ULK4: variants seen among roughly 807,000 people sequenced by gnomAD.
ULK4 encodes inactive serine/threonine-protein kinase ULK4.
In ULK4, 133 loss-of-function variants were observed where a neutral mutation model predicts 160.6. The observed-to-expected ratio is 0.83, with a 90% confidence interval of 0.72 to 0.96. ULK4 has a LOEUF of 0.96. ULK4 is among the 40% of genes least tolerant of loss of function. ULK4 has a pLI of 0.00. For missense variants in ULK4, 1,580 were observed against 1,499.5 expected (o/e 1.05, Z -0.89); for synonymous variants, 534 against 539.8 (o/e 0.99, Z 0.15).
Position 41,745,953 on chromosome 3 carries a change from G to GA in ULK4, c.2321+8407dup, listed in dbSNP as rs574504371. Among the ~76,000 whole-genome samples, 1,418 of 145,984 alleles carry GA rather than the reference G, an allele frequency of 9.7e-3. 28 individuals are homozygous for GA. The highest frequency in any genetic ancestry group is 0.03 in the African/African-American group (1,190 of 39,742). ...AATCCAACACTCATTCATGATGAGA[G>GA]AAAAAAAAAACTCTAAGAAAATTGG... On this transcript the variant is annotated intron_variant, in intron 22 of 36. Coordinates refer to ENST00000301831, the MANE Select transcript of ULK4 (RefSeq NM_017886.4).
At chr3:41,306,453 G>C (rs1168575910) in intron 35 of ULK4, among the ~76,000 whole-genome samples, 12 of 127,352 alleles carry the variant, frequency 9.4e-5, no homozygotes, top group Non-Finnish European at 1.5e-4. Context: ...CCCGGCCAGT[G>C]GCCCCATCTG....
intron 35 of ULK4, among the ~76,000 whole-genome samples, chr3:41,379,847 T>G (rs1362989284): frequency 6.6e-6 from 1 of 152,166 alleles, no homozygotes; most frequent in Non-Finnish European, 1.5e-5. Flanking sequence ...GGATCATAGG[T>G]TTGCTATGCT....
At chr3:41,373,370 C>T (rs1013762488) in intron 35 of ULK4, among the ~76,000 whole-genome samples, 9 of 152,164 alleles carry the variant, frequency 5.9e-5, no homozygotes, top group African/African-American at 1.9e-4. Flanking sequence ...ATTCTAAAAT[C>T]GACCACATAA....
At chr3:41,866,103 C>T (rs1696858450) in intron 17 of ULK4, among the ~76,000 whole-genome samples, 1 of 152,152 alleles carries the variant, frequency 6.6e-6, no homozygotes, top group Non-Finnish European at 1.5e-5. Flanking sequence ...AGATAACAGT[C>T]AAAACTCAGT....
At chr3:41,519,027 G>A (rs2085841640) in intron 32 of ULK4, among the ~76,000 whole-genome samples, 1 of 152,162 alleles carries the variant, frequency 6.6e-6, no homozygotes, top group African/African-American at 2.4e-5. Context: ...GGGCTCTAGA[G>A]GCCATAAGCC....
At chr3:41,270,429 CCTT>C (rs60753428) in intron 35 of ULK4, among the ~76,000 whole-genome samples, 8,682 of 152,198 alleles carry the variant, frequency 0.057, 597 homozygotes, top group East Asian at 0.18. Flanking sequence ...GGGTCTGGGT[CCTT>C]AGAGTCACGA....
chr3:41,557,973 A>G (rs1243928292), intron 32 of ULK4, among the ~76,000 whole-genome samples: 2 of 152,108 alleles, frequency 1.3e-5, no homozygotes, highest in African/African-American at 4.8e-5. Flanking sequence ...GAAGCAAAAC[A>G]TGCTCTTAGA....
rs376418039 is a variant in ULK4 at position 41,912,811 on chromosome 3, G to C, written c.892C>G (p.Leu298Val). 1.1e-5 allele frequency: 17 copies of C among 1,613,926 alleles called. No homozygotes were observed. Among genetic ancestry groups the C allele is most frequent in the Non-Finnish European group, 8.5e-7 (1 of 1,179,952 alleles). ...ACAAAGGTAAGTGTATACTACCTGA[G>C]ACTGAGATCTTCGACGCTTGATTCC... is the stretch of plus-strand genomic sequence containing the variant. ...DQESSVEDLSLSRNTMECSGP... is the reference protein window; with the variant it reads ...DQESSVEDLSVSRNTMECSGP... The change falls in exon 9 of 37, where the codon CTC (leucine) becomes GTC (valine). Residue 298 changes from leucine (L) to valine (V), a missense_variant. Transcript: ENST00000301831.
At chr3:41,824,163 TAAAA>T (rs78604753) in intron 18 of ULK4, among the ~76,000 whole-genome samples, 1 of 117,810 alleles carries the variant, frequency 8.5e-6, no homozygotes, top group Non-Finnish European at 1.7e-5. Context: ...ACTCTATCTT[TAAAA>T]AAAAAAAAAA....
At chr3:41,267,217 T>C (rs556396109) in intron 35 of ULK4, among the ~76,000 whole-genome samples, 107 of 152,222 alleles carry the variant, frequency 7.0e-4, no homozygotes, top group Non-Finnish European at 1.2e-3. Flanking sequence ...TCTGTGTCCA[T>C]GTATTCTCAT....
intron 16 of ULK4, among the ~76,000 whole-genome samples, chr3:41,886,337 G>T (rs1180231177): frequency 6.6e-6 from 1 of 152,252 alleles, no homozygotes; most frequent in South Asian, 2.1e-4. Flanking sequence ...AGGCAGGGCT[G>T]TATCCCGATC....
intron 34 of ULK4, among the ~76,000 whole-genome samples, chr3:41,441,936 C>T (rs7621118): frequency 0.53 from 80,630 of 152,048 alleles, 21,800 homozygotes; most frequent in East Asian, 0.69. Context: ...TCTCTGGCAA[C>T]AGTTTTGCTC....
At chr3:41,926,018 C>T in intron 5 of ULK4, among the ~76,000 whole-genome samples, 1 of 152,186 alleles carries the variant, frequency 6.6e-6, no homozygotes, top group East Asian at 1.9e-4. Flanking sequence ...AGACTACCTT[C>T]TCAAGTGGGT....
At chr3:41,257,227 GACAATA>G (rs2078851950) in intron 35 of ULK4, among the ~76,000 whole-genome samples, 1 of 152,150 alleles carries the variant, frequency 6.6e-6, no homozygotes, top group Non-Finnish European at 1.5e-5. Flanking sequence ...TCATAACACT[GACAATA>G]ACAATGTTGG....
At chr3:41,298,534 A>G (rs778518768) in intron 35 of ULK4, among the ~76,000 whole-genome samples, 7 of 152,224 alleles carry the variant, frequency 4.6e-5, no homozygotes, top group African/African-American at 7.2e-5. Context: ...TCAAAAAGAA[A>G]ATAAGATTCT....
chr3:41,844,220 G>A (rs2042008355), intron 17 of ULK4, among the ~76,000 whole-genome samples: 1 of 152,150 alleles, frequency 6.6e-6, no homozygotes, highest in Admixed American at 6.5e-5. Flanking sequence ...GGAGCAGGGG[G>A]CGGCGCTCGC....
At chr3:41,959,952 A>G (rs1700615254) in intron 1 of ULK4, among the ~76,000 whole-genome samples, 1 of 152,194 alleles carries the variant, frequency 6.6e-6, no homozygotes, top group Admixed American at 6.5e-5. Context: ...TCTCAGGATA[A>G]GATGATAAAA....
chr3:41,531,452 AG>A (rs1377453518), intron 32 of ULK4, among the ~76,000 whole-genome samples: 9 of 35,812 alleles, frequency 2.5e-4, no homozygotes, highest in Admixed American at 1.9e-3. Context: ...AAAAGAGGGG[AG>A]GGGAGGGGAG....
At chr3:41,544,149 A>C (rs1165310199) in intron 32 of ULK4, among the ~76,000 whole-genome samples, 2 of 152,094 alleles carry the variant, frequency 1.3e-5, no homozygotes, top group African/African-American at 4.8e-5. Flanking sequence ...ATAATGTGTC[A>C]ACACTGGAAA....
Sources: gnomAD v4.1 joint callset for allele counts (sites outside exome capture counted in the v4.1 genomes callset) on GRCh38, gnomAD v4.1.1 for gene constraint, MANE v1.5 for transcripts, NCBI Gene and HGNC (gene_info 2026-07-23, HGNC 2026-07-21) for gene names.